Variants in GALNT10 observed in about 807,000 individuals in gnomAD.
GALNT10 encodes polypeptide N-acetylgalactosaminyltransferase 10.
GALNT10 carries 41 observed loss-of-function variants against 75.0 expected under a neutral mutation model. The ratio of observed to expected loss-of-function variants is 0.55; its 90% confidence interval spans 0.43 to 0.71. The LOEUF is 0.71. Ranked by LOEUF, GALNT10 falls within the 30% of genes least tolerant of loss-of-function variation. The pLI is 0.00. For synonymous variants in GALNT10, 302 were observed against 313.0 expected (o/e 0.96, Z 0.37); for missense variants, 727 against 818.5 (o/e 0.89, Z 1.36).
At chr5:154,248,978 C>T (rs1753474502) in intron 1 of GALNT10, among the ~76,000 whole-genome samples, 1 of 152,210 alleles carries the variant, frequency 6.6e-6, no homozygotes, top group Middle Eastern at 3.2e-3. Flanking sequence ...CTAGAAATGG[C>T]TAAGAATGGT....
intron 1 of GALNT10, among the ~76,000 whole-genome samples, chr5:154,287,975 A>AGC (rs1754138364): frequency 6.6e-6 from 1 of 151,484 alleles, no homozygotes; most frequent in African/African-American, 2.4e-5. Flanking sequence ...AGAGAGAGAG[A>AGC]GAAGTTTATT....
In GALNT10 at chr5:154,190,912, CT is replaced by C; in HGVS notation, c.47del (p.Leu16ArgfsTer56). On this transcript the variant is annotated frameshift_variant, in exon 1 of 12. Coordinates refer to ENST00000297107, the MANE Select transcript of GALNT10 (RefSeq NM_198321.4). LOFTEE classifies it high-confidence loss of function. ...GCTCCTGCAGGCGGTGGCGCTGGTG[CT>C]GGCGGCCCTGGTCCTCCTGCCCAAC... The part of the protein sequence containing the change: ...KRLLQAVALV[L>X]AALVLLPNVG... The C allele has an allele frequency of 6.7e-7, 1 of 1,481,894 alleles. No individual in the cohort carries two copies. The highest frequency in any genetic ancestry group is 9.0e-7 in the Non-Finnish European group (1 of 1,115,348). The allele number at this position is 1,481,894 out of a possible 1,614,324, so 91.8% of individuals were successfully genotyped here.
intron 4 of GALNT10, among the ~76,000 whole-genome samples, chr5:154,368,676 C>A (rs1322467318): frequency 6.6e-6 from 1 of 152,246 alleles, no homozygotes; most frequent in Non-Finnish European, 1.5e-5. Context: ...TCCTGAAGGG[C>A]TGATCTGTTT....
intron 4 of GALNT10, among the ~76,000 whole-genome samples, chr5:154,358,793 T>G (rs1581991032): frequency 6.6e-6 from 1 of 152,304 alleles, no homozygotes; most frequent in Middle Eastern, 3.4e-3. Flanking sequence ...GAAAGTGACC[T>G]TTGTGGGGTC....
chr5:154,333,877 A>C (rs1026186611), intron 4 of GALNT10, among the ~76,000 whole-genome samples: 1 of 152,244 alleles, frequency 6.6e-6, no homozygotes, highest in African/African-American at 2.4e-5. Context: ...TCAGAAAAGC[A>C]ATCATTATTC....
At chr5:154,328,356 G>A (rs1581975810) in intron 3 of GALNT10, among the ~76,000 whole-genome samples, 2 of 152,332 alleles carry the variant, frequency 1.3e-5, no homozygotes, top group South Asian at 4.1e-4. Flanking sequence ...CTAGAGCCCA[G>A]GGAGAGAGAG....
chr5:154,354,689 GT>G (rs1268638480), intron 4 of GALNT10, among the ~76,000 whole-genome samples: 1 of 152,168 alleles, frequency 6.6e-6, no homozygotes, highest in African/African-American at 2.4e-5. Context: ...GGGGGGTATC[GT>G]TGGGGAGAGG....
intron 7 of GALNT10, chr5:154,388,033 T>G (rs1755834427): frequency 6.6e-6 from 1 of 151,882 alleles, no homozygotes; most frequent in East Asian, 1.9e-4. Context: ...GCCTCCTGAG[T>G]AGCTGGGACT....
At chr5:154,202,996 C>T (rs1226821402) in intron 1 of GALNT10, among the ~76,000 whole-genome samples, 1 of 152,240 alleles carries the variant, frequency 6.6e-6, no homozygotes, top group Non-Finnish European at 1.5e-5. Context: ...AACAATGGGG[C>T]ACGTTAAGAA....
At chr5:154,258,065 GACTGTAATTTTTATATAAA>G (rs1304552663) in intron 1 of GALNT10, among the ~76,000 whole-genome samples, 3 of 152,142 alleles carry the variant, frequency 2.0e-5, no homozygotes, top group African/African-American at 7.2e-5. Flanking sequence ...AGTTAGGAAG[GACTGTAATTTTTATATAAA>G]AATAAACATG....
At chr5:154,254,845 G>A (rs1276042083) in intron 1 of GALNT10, among the ~76,000 whole-genome samples, 1 of 152,030 alleles carries the variant, frequency 6.6e-6, no homozygotes, top group African/African-American at 2.4e-5. Context: ...GAAGTTCAGG[G>A]GCAGGTAATT....
chr5:154,364,030 G>A (rs1353190908), intron 4 of GALNT10, among the ~76,000 whole-genome samples: 1 of 152,194 alleles, frequency 6.6e-6, no homozygotes, highest in East Asian at 1.9e-4. Context: ...CTTGTGCCAA[G>A]CAGATCGACA....
At chr5:154,375,167 G>A (rs537035358) in intron 4 of GALNT10, among the ~76,000 whole-genome samples, 12 of 152,268 alleles carry the variant, frequency 7.9e-5, no homozygotes, top group East Asian at 3.9e-4. Flanking sequence ...TTTACTGGCC[G>A]TATGTCTAAT....
chr5:154,259,196 T>A (rs1341872918), intron 1 of GALNT10, among the ~76,000 whole-genome samples: 1 of 152,274 alleles, frequency 6.6e-6, no homozygotes, highest in East Asian at 1.9e-4. Context: ...ACCTGTGACA[T>A]CTCCTCAGTC....
chr5:154,397,093 C>T (rs930405866), intron 7 of GALNT10, among the ~76,000 whole-genome samples: 43 of 149,764 alleles, frequency 2.9e-4, no homozygotes, highest in Admixed American at 1.6e-3. Flanking sequence ...TGCCATTGTA[C>T]TCCATCCTGG....
chr5:154,350,168 T>A (rs902666371), intron 4 of GALNT10, among the ~76,000 whole-genome samples: 7 of 151,622 alleles, frequency 4.6e-5, no homozygotes, highest in Non-Finnish European at 7.4e-5. Context: ...TCTTTACTTC[T>A]CTAATAAAGT....
chr5:154,375,937 G>A (rs992706312), intron 4 of GALNT10, among the ~76,000 whole-genome samples: 2 of 152,176 alleles, frequency 1.3e-5, no homozygotes, highest in South Asian at 4.1e-4. Flanking sequence ...GAAGGGAAGG[G>A]GCAGTGTCCC....
At chr5:154,259,711 A>G (rs778208330) in intron 1 of GALNT10, among the ~76,000 whole-genome samples, 1 of 152,156 alleles carries the variant, frequency 6.6e-6, no homozygotes, top group African/African-American at 2.4e-5. Flanking sequence ...GTTGAAAATC[A>G]TGGCTCTAGG....
intron 1 of GALNT10, among the ~76,000 whole-genome samples, chr5:154,257,588 G>A (rs61189725): frequency 0.18 from 26,827 of 151,500 alleles, 2,530 homozygotes; most frequent in African/African-American, 0.21. Context: ...AGAATCAATC[G>A]CTTGAACCAG....
Sources: allele counts gnomAD v4.1 joint callset (sites outside exome capture counted in the v4.1 genomes callset), GRCh38; gene constraint gnomAD v4.1.1; transcripts MANE v1.5; gene names NCBI Gene and HGNC (gene_info 2026-07-23, HGNC 2026-07-21).